The following MGAT4C variants were observed in gnomAD, a reference collection of about 807,000 sequenced individuals.
The protein encoded by MGAT4C is alpha-1,3-mannosyl-glycoprotein 4-beta-N-acetylglucosaminyltransferase C.
In MGAT4C, 19 loss-of-function variants were observed where a neutral mutation model predicts 40.1. That is an observed-to-expected ratio of 0.47 (90% CI 0.33 to 0.70). The LOEUF is 0.70. MGAT4C is among the 30% of genes least tolerant of loss of function. The probability of loss-of-function intolerance (pLI) is 0.02; values close to 1 mark genes in which losing one functional copy is unlikely to be tolerated. For synonymous variants in MGAT4C, 181 were observed against 187.1 expected (o/e 0.97, Z 0.27); for missense variants, 491 against 563.2 (o/e 0.87, Z 1.30).
intron 1 of MGAT4C, among the ~76,000 whole-genome samples, chr12:86,063,100 A>G (rs2137009181): frequency 6.6e-6 from 1 of 152,300 alleles, no homozygotes; most frequent in Non-Finnish European, 1.5e-5. Context: ...GAAATGAAGG[A>G]AAAAATGTTA....
Position 86,241,689 on chromosome 12 carries a change from C to T in MGAT4C, c.-57+14550G>A, listed in dbSNP as rs1287740682. ...AGAGTGTATTAGCAGCAGTTGATTG[C>T]AGGCTGGCCTCAGATACTAGACCTG... On this transcript the variant is annotated intron_variant, in intron 1 of 4. Transcript: ENST00000611864. Among the ~76,000 whole-genome samples the T allele has an allele frequency of 3.3e-5, 5 of 152,242 alleles. No individual in the cohort carries two copies. In the East Asian group the frequency reaches 9.7e-4, roughly 30 times the overall value.
At chr12:86,051,836 C>T (rs951564745) in intron 1 of MGAT4C, among the ~76,000 whole-genome samples, 2 of 151,200 alleles carry the variant, frequency 1.3e-5, no homozygotes, top group African/African-American at 4.8e-5. Flanking sequence ...GTGTGACTGT[C>T]TCCTTTCTGA....
chr12:86,142,615 T>C (rs1378656643), intron 1 of MGAT4C, among the ~76,000 whole-genome samples: 2 of 152,072 alleles, frequency 1.3e-5, no homozygotes, highest in Non-Finnish European at 2.9e-5. Flanking sequence ...GAATATATAG[T>C]AGGGGATTGT....
chr12:86,355,792 A>T (rs1034387244), intron 3 of MGAT4C, among the ~76,000 whole-genome samples: 7 of 152,178 alleles, frequency 4.6e-5, no homozygotes, highest in African/African-American at 1.7e-4. Flanking sequence ...TAACTGAAAA[A>T]TCCAGAACAT....
intron 1 of MGAT4C, among the ~76,000 whole-genome samples, chr12:86,811,561 T>C (rs1566006796): frequency 6.6e-6 from 1 of 151,010 alleles, no homozygotes; most frequent in Non-Finnish European, 1.5e-5. Context: ...AGGCTGGTCT[T>C]GAACTCTCGT....
chr12:86,774,908 T>G (rs2136174875), intron 1 of MGAT4C, among the ~76,000 whole-genome samples: 1 of 152,178 alleles, frequency 6.6e-6, no homozygotes, highest in South Asian at 2.1e-4. Flanking sequence ...TCTTGCAAAT[T>G]TAAAAGAGAA....
chr12:86,609,117 A>C (rs1161967685), intron 2 of MGAT4C, among the ~76,000 whole-genome samples: 1 of 152,144 alleles, frequency 6.6e-6, no homozygotes. Context: ...AAAATAAATA[A>C]ATTTATAAAT....
chr12:86,222,167 G>T (rs1477960423), intron 1 of MGAT4C, among the ~76,000 whole-genome samples: 1 of 152,102 alleles, frequency 6.6e-6, no homozygotes, highest in Admixed American at 6.6e-5. Flanking sequence ...AGGTCAAAAT[G>T]CACATTTTTC....
intron 1 of MGAT4C, among the ~76,000 whole-genome samples, chr12:86,808,478 C>T (rs1042241179): frequency 3.3e-5 from 5 of 151,942 alleles, no homozygotes; most frequent in African/African-American, 1.2e-4. Flanking sequence ...GTTCAATATA[C>T]ACAAATCAAT....
Position 86,760,653 on chromosome 12 carries a change from A to G in MGAT4C, c.-261-33412T>C, listed in dbSNP as rs79755417. 4.0e-3 allele frequency among the ~76,000 whole-genome samples: 603 copies of G among 152,258 alleles called. 5 individuals are homozygous for G. The highest frequency in any genetic ancestry group is 0.014 in the African/African-American group (587 of 41,562). On this transcript the variant is annotated intron_variant, in intron 1 of 7. Transcript: ENST00000548651. ...AAGAAACAATATGGTGAGTTCCACA[A>G]TGTTCCAGCTCACTGCCTTAGTAGA...
chr12:86,826,475 T>C (rs2136231835), intron 1 of MGAT4C, among the ~76,000 whole-genome samples: 1 of 151,612 alleles, frequency 6.6e-6, no homozygotes, highest in Non-Finnish European at 1.5e-5. Context: ...ATTTAAAAAT[T>C]ATACCCAAAG....
chr12:86,321,699 C>A (rs11103925), intron 4 of MGAT4C, among the ~76,000 whole-genome samples: 14,597 of 151,990 alleles, frequency 0.096, 1,708 homozygotes, highest in East Asian at 0.29. Context: ...GTTAGAATGG[C>A]GATCATTAAC....
intron 3 of MGAT4C, among the ~76,000 whole-genome samples, chr12:86,387,422 A>G (rs1426958958): frequency 6.6e-6 from 1 of 152,086 alleles, no homozygotes; most frequent in Non-Finnish European, 1.5e-5. Context: ...ATTATTATCA[A>G]TCTAGAATTG....
chr12:86,401,150 C>A (rs184576831), intron 3 of MGAT4C, among the ~76,000 whole-genome samples: 247 of 151,684 alleles, frequency 1.6e-3, no homozygotes, highest in African/African-American at 5.8e-3. Context: ...TATTTTTGAA[C>A]TCATGGATTT....
intron 2 of MGAT4C, among the ~76,000 whole-genome samples, chr12:86,537,794 A>G (rs1012779935): frequency 3.3e-5 from 5 of 152,202 alleles, no homozygotes; most frequent in African/African-American, 1.2e-4. Flanking sequence ...TGATACAAAT[A>G]ATTTTTTTTG....
At chr12:86,380,099 AT>A (rs1328357366) in intron 3 of MGAT4C, among the ~76,000 whole-genome samples, 1 of 152,022 alleles carries the variant, frequency 6.6e-6, no homozygotes, top group Admixed American at 6.6e-5. Flanking sequence ...TATATGAGTC[AT>A]TTTTTTATGA....
intron 2 of MGAT4C, among the ~76,000 whole-genome samples, chr12:86,593,760 T>C (rs1345979639): frequency 6.6e-6 from 1 of 152,210 alleles, no homozygotes; most frequent in Non-Finnish European, 1.5e-5. Context: ...CTGAGATTTT[T>C]TTCGGCTGCA....
intron 3 of MGAT4C, among the ~76,000 whole-genome samples, chr12:86,374,862 G>C (rs1381395104): frequency 6.6e-6 from 1 of 152,084 alleles, no homozygotes; most frequent in South Asian, 2.1e-4. Flanking sequence ...AACCAGTAAG[G>C]CCTGCTTTGC....
intron 1 of MGAT4C, among the ~76,000 whole-genome samples, chr12:86,788,603 G>A (rs1951973822): frequency 6.6e-6 from 1 of 151,988 alleles, no homozygotes. Context: ...AATTTATGTT[G>A]CTTAAAACTA....
Sources: allele counts gnomAD v4.1 joint callset (sites outside exome capture counted in the v4.1 genomes callset), GRCh38; gene constraint gnomAD v4.1.1; transcripts MANE v1.5; gene names NCBI Gene and HGNC (gene_info 2026-07-23, HGNC 2026-07-21).